CDHR4: variants seen among roughly 807,000 people sequenced by gnomAD.
CDHR4 encodes the protein cadherin-related family member 4.
CDHR4 carries 89 observed loss-of-function variants against 88.4 expected under a neutral mutation model. The ratio of observed to expected loss-of-function variants is 1.01; its 90% CI spans 0.85 to 1.20. The LOEUF (loss-of-function observed/expected upper bound fraction) is 1.20, where lower values mean the gene tolerates loss of function less well. Ranked by LOEUF, CDHR4 falls within the 50% of genes most tolerant of loss-of-function variation. CDHR4 has a pLI of 0.00. For synonymous variants in CDHR4, 368 were observed against 399.2 expected, an observed-to-expected ratio of 0.92 and a Z score of 0.93; for missense variants, 914 against 1,007.2, an observed-to-expected ratio of 0.91 and a Z score of 1.25.
At position 49,794,669 on chromosome 3, in the gene CDHR4, T is replaced by A. The variant is rs1275579689; in HGVS notation, c.1218A>T (p.Gly406=). The A allele has an allele frequency of 1.9e-6, 3 of 1,551,232 alleles. No individual in the cohort carries two copies. Among genetic ancestry groups the A allele is most frequent in the East Asian group, 2.4e-5 (1 of 40,924 alleles). Residue 406 remains glycine, a synonymous_variant, in exon 10 of 19, where the codon GGA becomes GGT. Transcript: ENST00000412678. Reference sequence around the variant, plus strand: ...TGGAGGCTGCATGCTGGAAGCAGGCTCCAGGAGTGTCACAGTCCAGTGTGG... The same window carrying A: ...TGGAGGCTGCATGCTGGAAGCAGGCACCAGGAGTGTCACAGTCCAGTGTGG... The part of the protein sequence containing the change: ...VNATLDCDTP[G]ACFQHAASIL...
At position 49,791,468 on chromosome 3, in the gene CDHR4, G is replaced by A; in HGVS notation, c.2284C>T (p.His762Tyr). The A allele has an allele frequency of 6.5e-7, 1 of 1,546,138 alleles. No individual in the cohort carries two copies. The highest frequency in any genetic ancestry group is 8.7e-7 in the Non-Finnish European group (1 of 1,145,428). The change falls in exon 18 of 19, where the codon CAT becomes TAT. Residue 762 changes from histidine to tyrosine, a missense_variant and splice_region_variant. His to Tyr is a moderately conservative substitution (Grantham distance 83). Coordinates refer to ENST00000412678, the MANE Select transcript of CDHR4 (RefSeq NM_001007540.4). Reference protein sequence around the residue: ...SQAPSSVMSLHFDGRAQDSRT... With the variant: ...SQAPSSVMSLYFDGRAQDSRT... ...GAGTCCTGTGCTCTGCCATCAAAAT[G>A]CTGCTGAGGGAAAAAAAAAAAAGAT...
chr3:49,796,093 C>G (rs1037679668), intron 5 of CDHR4, 47 bp from the exon 6 acceptor site: 1 of 1,387,498 alleles, frequency 7.2e-7, no homozygotes, highest in Non-Finnish European at 9.6e-7. Flanking sequence ...TGTGTGTCCA[C>G]CTCTTTGTCT....
rs747880395 is a variant in CDHR4 at position 49,795,364 on chromosome 3, C to T, written c.863G>A (p.Arg288Gln). Residue 288 changes from arginine to glutamine, a missense_variant, in exon 8 of 19, where the codon CGG becomes CAG. Coordinates refer to ENST00000412678, the MANE Select transcript of CDHR4 (RefSeq NM_001007540.4). This position sits in a 1 kb window ranked among gnomAD's most constrained non-coding sequence, Gnocchi z 5.4. The part of the protein sequence containing the change: ...FSIGRADGVV[R>Q]TTTPLELART... ...AGCTAACTCTAGGGGCGTGGTGGTC[C>T]GGACCACACCGTCTGCTGCATGGGG... The T allele has an allele frequency of 1.6e-5, 25 of 1,550,572 alleles. No homozygotes were observed. The highest frequency in any genetic ancestry group is 4.1e-5 in the African/African-American group (3 of 73,088).
Position 49,795,852 on chromosome 3 carries a change from G to A in CDHR4, c.711-88C>T. On this transcript the variant is annotated intron_variant, in intron 6 of 18. Transcript: ENST00000412678. The surrounding 1 kb of genome is among the most constrained non-coding windows in gnomAD (Gnocchi z 5.4). ...CCTTCCCTGGGCCCCCTCCTGTCAG[G>A]GCTGGGACTCAGCTCCAGCAGCCTC... The A allele has an allele frequency of 1.3e-6, 2 of 1,527,256 alleles. No individual in the cohort carries two copies. Among genetic ancestry groups the A allele is most frequent in the Non-Finnish European group, 1.8e-6 (2 of 1,132,666 alleles). The allele number at this position is 1,527,256 out of a possible 1,614,324, so 94.6% of individuals were successfully genotyped here.
At chr3:49,793,430 C>T in intron 12 of CDHR4, 119 bp from the exon 13 acceptor site, 2 of 1,448,118 alleles carry the variant, frequency 1.4e-6, no homozygotes, top group Non-Finnish European at 1.9e-6. Flanking sequence ...AGTCATCACA[C>T]AACAGGCTCC....
chr3:49,791,789 A>C lies in CDHR4; in HGVS notation c.2208T>G (p.Thr736=), dbSNP rs1163910865. The change falls in exon 17 of 19, where the codon ACT becomes ACG. Residue 736 remains threonine (T), a synonymous_variant. Transcript: ENST00000412678. ...CCAGGAAACCCTCGATGGATCCCTCAGTTCCCTGGATGCTGGGGCAAAGTA... is the reference window on the plus strand; with the variant it reads ...CCAGGAAACCCTCGATGGATCCCTCCGTTCCCTGGATGCTGGGGCAAAGTA... ...QALLLNSIQG[T]EGSIEGFLEA... The C allele has an allele frequency of 2.6e-6, 4 of 1,551,724 alleles. No homozygotes were observed. Among genetic ancestry groups the C allele is most frequent in the Non-Finnish European group, 3.5e-6 (4 of 1,146,996 alleles).
upstream of CDHR4, among the ~76,000 whole-genome samples, chr3:49,800,754 T>C: frequency 6.6e-6 from 1 of 151,828 alleles, no homozygotes; most frequent in Non-Finnish European, 1.5e-5. Flanking sequence ...TGTATTTATA[T>C]GTCAGTTTTT....
intron 1 of CDHR4, among the ~76,000 whole-genome samples, 162 bp from the exon 2 acceptor site, chr3:49,799,599 G>A (rs542868663): frequency 3.4e-4 from 52 of 152,352 alleles, no homozygotes; most frequent in African/African-American, 9.9e-4. Context: ...GATGGGGAGT[G>A]AGAACTTGAC....
intron 15 of CDHR4, 47 bp downstream of exon 15, chr3:49,792,421 A>G: frequency 1.3e-6 from 2 of 1,547,912 alleles, no homozygotes; most frequent in Non-Finnish European, 1.7e-6. Flanking sequence ...ACTGGGGTCC[A>G]TAGGTGGGTT....
At chr3:49,794,844 C>A in intron 9 of CDHR4, 103 bp downstream of exon 9, 1 of 1,482,218 alleles carries the variant, frequency 6.7e-7, no homozygotes. Context: ...GCTCGACAGC[C>A]ATCCCTCCAC....
rs1348868211 is a variant in CDHR4 at position 49,793,297 on chromosome 3, A to G, written c.1638T>C (p.His546=). The change falls in exon 13 of 19, where the codon CAT becomes CAC. Residue 546 remains histidine (H), a synonymous_variant. Transcript: ENST00000412678. ...GAAATGGGGGCTCACACTCGGGGGCATGGTCATTCACATCCTGCAGAAAGG... is the reference window on the plus strand; with the variant it reads ...GAAATGGGGGCTCACACTCGGGGGCGTGGTCATTCACATCCTGCAGAAAGG... ...ITIEVEDVND[H]APECEPPFQE... 2.3e-5 allele frequency: 35 copies of G among 1,551,418 alleles called. No homozygotes were observed. Among genetic ancestry groups the G allele is most frequent in the African/African-American group, 2.7e-5 (2 of 73,036 alleles).
chr3:49,802,091 C>G (rs940335405), upstream of CDHR4, among the ~76,000 whole-genome samples: 1 of 152,188 alleles, frequency 6.6e-6, no homozygotes, highest in Non-Finnish European at 1.5e-5. Flanking sequence ...GGGTCTCTTC[C>G]CTGGCTGCTC....
At chr3:49,794,867 GGTCTCA>G in intron 9 of CDHR4, 74 bp downstream of exon 9, 1 of 1,520,968 alleles carries the variant, frequency 6.6e-7, no homozygotes, top group Non-Finnish European at 8.9e-7. Context: ...CCACTCCCGT[GGTCTCA>G]GAGACCCTTG....
At chr3:49,799,737 C>T (rs757024238) in intron 1 of CDHR4, 27 bp downstream of exon 1, 118 of 1,611,620 alleles carry the variant, frequency 7.3e-5, no homozygotes, top group Middle Eastern at 4.9e-4. Context: ...GGGAAAACTA[C>T]GGTTCCCCCA....
intron 5 of CDHR4, 95 bp from the exon 6 acceptor site, chr3:49,796,141 G>C (rs1295336205): frequency 1.3e-6 from 1 of 791,578 alleles, no homozygotes; most frequent in Non-Finnish European, 1.9e-6. Context: ...ACCTCACTTA[G>C]GATCTCCAAA....
At chr3:49,797,533 G>A (rs1282221235) in intron 4 of CDHR4, among the ~76,000 whole-genome samples, 1 of 151,938 alleles carries the variant, frequency 6.6e-6, no homozygotes, top group East Asian at 1.9e-4. Context: ...CCAGGCTGGA[G>A]TGCAATGGCT....
upstream of CDHR4, among the ~76,000 whole-genome samples, chr3:49,801,966 C>T (rs970586435): frequency 6.6e-6 from 1 of 152,234 alleles, no homozygotes; most frequent in African/African-American, 2.4e-5. Context: ...AACCCACATT[C>T]TGCTCTAAGG....
chr3:49,795,833 C>G lies in CDHR4; in HGVS notation c.711-69G>C. On this transcript the variant is annotated intron_variant, in intron 6 of 18. Coordinates refer to ENST00000412678, the MANE Select transcript of CDHR4 (RefSeq NM_001007540.4). The surrounding 1 kb of genome is among the most constrained non-coding windows in gnomAD (Gnocchi z 5.4). ...ACCTGTGGGTCCACAGCTTCCTTCCCTGGGCCCCCTCCTGTCAGGGCTGGG... is the reference window on the plus strand; with the variant it reads ...ACCTGTGGGTCCACAGCTTCCTTCCGTGGGCCCCCTCCTGTCAGGGCTGGG... 1 of 1,539,048 alleles carries G rather than the reference C, an allele frequency of 6.5e-7. No homozygotes were observed. The highest frequency in any genetic ancestry group is 8.8e-7 in the Non-Finnish European group (1 of 1,139,514).
chr3:49,795,921 T>A lies in CDHR4; in HGVS notation c.710+22A>T, dbSNP rs765607798. 26 of 1,524,050 alleles carry A rather than the reference T, an allele frequency of 1.7e-5. 2 individuals carry two copies. The South Asian group carries it at 2.9e-4, about 17-fold the overall frequency. 94.4% of individuals were successfully genotyped at this position (1,524,050 alleles called of 1,614,324 possible). Reference sequence around the variant, plus strand: ...GGGCTAGGCCCTTCCTCCCTCACTGTTCCAGGGTAGGGGAGCCTTACAGGA... The same window carrying A: ...GGGCTAGGCCCTTCCTCCCTCACTGATCCAGGGTAGGGGAGCCTTACAGGA... On this transcript the variant is annotated intron_variant, in intron 6 of 18. Transcript: ENST00000412678. This position sits in a 1 kb window ranked among gnomAD's most constrained non-coding sequence, Gnocchi z 5.4.
Sources: allele counts gnomAD v4.1 joint callset (sites outside exome capture counted in the v4.1 genomes callset), GRCh38; gene constraint gnomAD v4.1.1; non-coding constraint Gnocchi (gnomAD v3.1); transcripts MANE v1.5; gene names NCBI Gene and HGNC (gene_info 2026-07-23, HGNC 2026-07-21).